The following PEPD variants were observed in gnomAD, a reference collection of about 807,000 sequenced individuals.
PEPD encodes xaa-Pro dipeptidase.
In PEPD, 53 loss-of-function variants were observed where a neutral mutation model predicts 60.7. The observed-to-expected ratio is 0.87, with a 90% CI of 0.70 to 1.10. The LOEUF (loss-of-function observed/expected upper bound fraction) is 1.10. Among genes scored for constraint, PEPD ranks in the 50% least tolerant of loss-of-function variants. The pLI, the probability that PEPD is intolerant of heterozygous loss-of-function variation, is 0.00. For synonymous variants in PEPD, 267 were observed against 284.1 expected, an observed-to-expected ratio of 0.94 and a Z score of 0.60; for missense variants, 711 against 711.9, an observed-to-expected ratio of 1.00 and a Z score of 0.01.
chr19:33,517,835 T>C (rs897372561), intron 1 of PEPD, among the ~76,000 whole-genome samples: 1 of 147,868 alleles, frequency 6.8e-6, no homozygotes, highest in Admixed American at 6.8e-5. Flanking sequence ...GGCATGGTAG[T>C]GGGCACCTGT....
chr19:33,521,472 C>T (rs1311432952), intron 1 of PEPD, among the ~76,000 whole-genome samples: 2 of 152,232 alleles, frequency 1.3e-5, no homozygotes, highest in African/African-American at 4.8e-5. Flanking sequence ...TCGACCCCAG[C>T]CCCCACCGCA....
rs74819147 is a variant in PEPD at position 33,405,389 on chromosome 19, G to A, written c.819-3520C>T. The stretch of plus-strand genomic sequence containing the variant: ...TTTCATTTGAATCTCCTGAGTAGTG[G>A]CACGGCTCTTAGCTGTTCAATCCAA... On this transcript the variant is annotated intron_variant, in intron 11 of 14. Transcript: ENST00000244137. Among the ~76,000 whole-genome samples, 721 of 152,370 alleles carry A rather than the reference G, an allele frequency of 4.7e-3. 13 individuals are homozygous for A. The highest frequency in any genetic ancestry group is 0.039 in the South Asian group (189 of 4,832).
chr19:33,503,267 C>T (rs1181842533), intron 3 of PEPD, among the ~76,000 whole-genome samples: 1 of 152,228 alleles, frequency 6.6e-6, no homozygotes, highest in African/African-American at 2.4e-5. Context: ...GCTGGTCTCA[C>T]CGTAATCAAT....
chr19:33,490,026 C>G lies in PEPD; in HGVS notation c.473G>C (p.Cys158Ser), dbSNP rs1180506288. ...GATGCCGTCAAAGGAGGCCTCCCTG[C>G]AGACACTGCCGCTGTCCGTGTTGAC... ...RGVNTDSGSV[C>S]REASFDGISK... The change falls in exon 6 of 15, where the codon TGC becomes TCC. Residue 158 changes from cysteine to serine, a missense_variant. Coordinates refer to ENST00000244137, the MANE Select transcript of PEPD (RefSeq NM_000285.4). The G allele has an allele frequency of 9.9e-6, 16 of 1,612,212 alleles. No homozygotes were observed. The highest frequency in any genetic ancestry group is 1.3e-5 in the Non-Finnish European group (15 of 1,178,956).
chr19:33,442,891 G>C (rs1969511105), intron 9 of PEPD, among the ~76,000 whole-genome samples: 1 of 152,124 alleles, frequency 6.6e-6, no homozygotes, highest in Non-Finnish European at 1.5e-5. Flanking sequence ...CGTCCACCGG[G>C]GCTGTCCACT....
intron 7 of PEPD, 22 bp from the exon 8 acceptor site, chr19:33,464,084 G>C (rs776760348): frequency 1.9e-6 from 3 of 1,588,490 alleles, no homozygotes; most frequent in Admixed American, 3.3e-5. Flanking sequence ...GAAGAACAAA[G>C]CAGCAAATCA....
intron 9 of PEPD, among the ~76,000 whole-genome samples, chr19:33,416,850 T>C (rs1368991865): frequency 6.6e-6 from 1 of 152,082 alleles, no homozygotes; most frequent in Non-Finnish European, 1.5e-5. Context: ...ACGAGGTGGA[T>C]GGAGTTACTG....
At chr19:33,477,519 C>T (rs1263674917) in intron 7 of PEPD, among the ~76,000 whole-genome samples, 1 of 152,210 alleles carries the variant, frequency 6.6e-6, no homozygotes, top group African/African-American at 2.4e-5. Flanking sequence ...ATGCGAGGGC[C>T]ACCTCCAGGG....
At chr19:33,515,677 T>C (rs780127261) in intron 1 of PEPD, among the ~76,000 whole-genome samples, 2 of 150,962 alleles carry the variant, frequency 1.3e-5, no homozygotes, top group Non-Finnish European at 3.0e-5. Flanking sequence ...GACCCTGCTA[T>C]GGACAGCCTC....
intron 3 of PEPD, among the ~76,000 whole-genome samples, chr19:33,501,587 G>A (rs1316460166): frequency 2.6e-5 from 4 of 152,132 alleles, no homozygotes; most frequent in Non-Finnish European, 5.9e-5. Context: ...TGAGGCAGGA[G>A]AGTCACTTGA....
Position 33,404,880 on chromosome 19 carries a change from C to T in PEPD, c.819-3011G>A, listed in dbSNP as rs562794318. ...ATTCAGATGCAAGCTTTTCTGGAAT[C>T]CAGGGACGAAAGCCATGGCTTTGAT... On this transcript the variant is annotated intron_variant, in intron 11 of 14. Transcript: ENST00000244137. Among the ~76,000 whole-genome samples the T allele has an allele frequency of 5.3e-5, 8 of 152,314 alleles. No homozygotes were observed. In the South Asian group the frequency reaches 1.2e-3, roughly 24 times the overall value.
chr19:33,477,205 T>C (rs914982388), intron 7 of PEPD: 5 of 152,704 alleles, frequency 3.3e-5, no homozygotes, highest in Non-Finnish European at 7.3e-5. Context: ...GGTCACTCTC[T>C]CCTACTCCTT....
rs375500531 is a variant in PEPD at position 33,501,182 on chromosome 19, C to T, written c.330-181G>A. 2.6e-5 allele frequency among the ~76,000 whole-genome samples: 4 copies of T among 152,154 alleles called. No individual in the cohort carries two copies. In the East Asian group the frequency reaches 5.8e-4, roughly 22 times the overall value. On this transcript the variant is annotated intron_variant, in intron 3 of 14. Coordinates refer to ENST00000244137, the MANE Select transcript of PEPD (RefSeq NM_000285.4). ...CAACACACACTTGGAGGGCAAAGGC[C>T]ATTAGGCCATGGAGTGACGGCTGAA... is the stretch of plus-strand genomic sequence containing the variant.
Position 33,500,944 on chromosome 19 carries a change from TACGTACTGG to T in PEPD, c.378_386del (p.Gln127_Val129del). 6.3e-7 allele frequency: 1 copy of T among 1,591,976 alleles called. No homozygotes were observed. Among genetic ancestry groups the T allele is most frequent in the East Asian group, 2.2e-5 (1 of 44,744 alleles). The stretch of plus-strand genomic sequence containing the variant: ...GGAGGAGCCGGCTACCCACCTCATC[TACGTACTGG>T]ACGTCGTCCACGGCATACTTCTCCT... On this transcript the variant is annotated inframe_deletion, in exon 4 of 15. Coordinates refer to ENST00000244137, the MANE Select transcript of PEPD (RefSeq NM_000285.4).
At chr19:33,499,589 G>A (rs1253516577) in intron 4 of PEPD, among the ~76,000 whole-genome samples, 1 of 152,328 alleles carries the variant, frequency 6.6e-6, no homozygotes, top group East Asian at 1.9e-4. Context: ...CAAGGGCAGG[G>A]TGCACATCAG....
intron 6 of PEPD, among the ~76,000 whole-genome samples, chr19:33,482,883 T>C (rs141742860): frequency 3.3e-5 from 5 of 152,278 alleles, no homozygotes; most frequent in East Asian, 1.9e-4. Context: ...AGGAAAGATA[T>C]AGAAGATATA....
At chr19:33,501,841 TA>T (rs1970720369) in intron 3 of PEPD, among the ~76,000 whole-genome samples, 1 of 152,146 alleles carries the variant, frequency 6.6e-6, no homozygotes, top group East Asian at 1.9e-4. Context: ...GTGCTGGGAT[TA>T]TAGGCATTAG....
At chr19:33,392,505 C>T (rs1968248838) in intron 12 of PEPD, among the ~76,000 whole-genome samples, 1 of 152,148 alleles carries the variant, frequency 6.6e-6, no homozygotes. Flanking sequence ...AGGCCACGTG[C>T]TGGCAGAGGC....
At chr19:33,469,136 A>G (rs1372323701) in intron 7 of PEPD, among the ~76,000 whole-genome samples, 1 of 151,834 alleles carries the variant, frequency 6.6e-6, no homozygotes, top group African/African-American at 2.4e-5. Context: ...CCGCCCTCCA[A>G]CCCCTTACTT....
Sources: allele counts gnomAD v4.1 joint callset (sites outside exome capture counted in the v4.1 genomes callset), GRCh38; gene constraint gnomAD v4.1.1; transcripts MANE v1.5; gene names NCBI Gene and HGNC (gene_info 2026-07-23, HGNC 2026-07-21).